Variants in DDB1 observed in about 807,000 individuals in gnomAD.
The protein encoded by DDB1 is DNA damage-binding protein 1.
A neutral mutation model predicts 133.1 loss-of-function variants in DDB1; 18 were observed. The ratio of observed to expected loss-of-function variants is 0.14; its 90% CI spans 0.09 to 0.20. The LOEUF (loss-of-function observed/expected upper bound fraction) is 0.20. DDB1 is among the 10% of genes least tolerant of loss of function. The pLI is 1.00. For missense variants in DDB1, 828 were observed against 1,459.2 expected, an observed-to-expected ratio of 0.57 and a Z score of 7.05; for synonymous variants, 580 against 550.5, an observed-to-expected ratio of 1.05 and a Z score of -0.75.
intron 2 of DDB1, among the ~76,000 whole-genome samples, chr11:61,330,669 G>GTT (rs1387562315): frequency 6.8e-6 from 1 of 146,184 alleles, no homozygotes; most frequent in Non-Finnish European, 1.5e-5. Context: ...TTTGTTTGGT[G>GTT]TTTTTTTTTT....
At chr11:61,325,155 A>C (rs1856249497) in intron 6 of DDB1, among the ~76,000 whole-genome samples, 2 of 152,138 alleles carry the variant, frequency 1.3e-5, no homozygotes, top group African/African-American at 4.8e-5. Flanking sequence ...TCTCAAAAAA[A>C]AAAAAGAAAC....
intron 10 of DDB1, among the ~76,000 whole-genome samples, chr11:61,320,033 G>A (rs1856153233): frequency 6.6e-6 from 1 of 151,918 alleles, no homozygotes; most frequent in Admixed American, 6.6e-5. Flanking sequence ...CCTCTACTAT[G>A]CTTTCTAATT....
chr11:61,320,841 A>T lies in DDB1; in HGVS notation c.1225+754T>A, dbSNP rs186855477. Among the ~76,000 whole-genome samples, 53 of 151,534 alleles carry T rather than the reference A, an allele frequency of 3.5e-4. No individual in the cohort carries two copies. The East Asian group carries it at 8.3e-3, about 24-fold the overall frequency. ...CATATCAATTCTGTCATACTGTTTT[A>T]GGTTACGCTTATACATTCTAAATGT... On this transcript the variant is annotated intron_variant, in intron 10 of 26. Coordinates refer to ENST00000301764, the MANE Select transcript of DDB1 (RefSeq NM_001923.5).
chr11:61,304,027 G>A lies in DDB1; in HGVS notation c.2670C>T (p.Leu890=), dbSNP rs1402574748. The A allele has an allele frequency of 1.9e-6, 3 of 1,613,790 alleles. No individual in the cohort carries two copies. The highest frequency in any genetic ancestry group is 1.7e-6 in the Non-Finnish European group (2 of 1,180,050). ...GCTCCTTCTCTGTTGTCCACTCATA[G>A]AGCCGCACCTGGGAAGGGCATTGTC... ...LLASINSTVR[L]YEWTTEKELR... Residue 890 remains leucine, a synonymous_variant, in exon 22 of 27, where the codon CTC becomes CTT. Coordinates refer to ENST00000301764, the MANE Select transcript of DDB1 (RefSeq NM_001923.5).
chr11:61,312,943 G>A (rs985525342), intron 16 of DDB1, among the ~76,000 whole-genome samples: 7 of 152,108 alleles, frequency 4.6e-5, no homozygotes, highest in Admixed American at 2.6e-4. Context: ...CTCCCAAGTA[G>A]CTGGGATTAC....
chr11:61,314,921 C>G (rs1416471135), intron 12 of DDB1: 1 of 151,946 alleles, frequency 6.6e-6, no homozygotes, highest in Non-Finnish European at 1.5e-5. Flanking sequence ...CCTACGCCTC[C>G]CAGGTTCAAG....
chr11:61,321,491 T>G, intron 10 of DDB1, 104 bp downstream of exon 10: 1 of 915,910 alleles, frequency 1.1e-6, no homozygotes, highest in South Asian at 1.4e-5. Flanking sequence ...CACTCTTCAC[T>G]TGATCTGCTT....
Position 61,330,705 on chromosome 11 carries a change from C to T in DDB1, c.211-631G>A, listed in dbSNP as rs182498185. On this transcript the variant is annotated intron_variant, in intron 2 of 26. Coordinates refer to ENST00000301764, the MANE Select transcript of DDB1 (RefSeq NM_001923.5). ...TGGAGATGGAGTCTCGCTCTGTCAC[C>T]GGGCAATGGGCGCCATCTCCACTCA... Among the ~76,000 whole-genome samples the T allele has an allele frequency of 4.9e-4, 75 of 151,772 alleles. 1 individual carries two copies. In the East Asian group the frequency reaches 0.011, roughly 22 times the overall value.
At position 61,324,351 on chromosome 11, in the gene DDB1, T is replaced by A; in HGVS notation, c.763-214A>T. 3.8e-6 allele frequency: 2 copies of A among 525,380 alleles called. 1 individual carries two copies. Among genetic ancestry groups the A allele is most frequent in the South Asian group, 4.5e-5 (2 of 44,878 alleles). 32.5% of individuals were successfully genotyped at this position (525,380 alleles called of 1,614,324 possible). The stretch of plus-strand genomic sequence containing the variant: ...GAAGATAATTTTCTGAGGCGCTCCA[T>A]CAATATATCTTATATGTTTACTGAT... On this transcript the variant is annotated intron_variant, in intron 6 of 26. Coordinates refer to ENST00000301764, the MANE Select transcript of DDB1 (RefSeq NM_001923.5).
At chr11:61,328,075 G>GGCA (rs1181346930) in intron 4 of DDB1, among the ~76,000 whole-genome samples, 5 of 152,114 alleles carry the variant, frequency 3.3e-5, no homozygotes, top group Non-Finnish European at 7.4e-5. Context: ...GATCACAGCT[G>GGCA]GCAGCCCTGA....
In DDB1 at chr11:61,302,748, A is replaced by C; in HGVS notation, c.2946T>G (p.Ala982=). 1 of 1,614,208 alleles carries C rather than the reference A, an allele frequency of 6.2e-7. No individual in the cohort carries two copies. Among genetic ancestry groups the C allele is most frequent in the East Asian group, 2.2e-5 (1 of 44,886 alleles). Residue 982 remains alanine, a synonymous_variant, in exon 24 of 27, where the codon GCT becomes GCG. Transcript: ENST00000301764. The part of the protein sequence containing the change: ...FNLFVCQKDS[A]ATTDEERQHL... Reference sequence around the variant, plus strand: ...GCTGCCGCTCCTCGTCAGTGGTGGCAGCGCTGAAAGGCGGTAAGAAAGTCA... The same window carrying C: ...GCTGCCGCTCCTCGTCAGTGGTGGCCGCGCTGAAAGGCGGTAAGAAAGTCA...
chr11:61,331,900 G>A, intron 1 of DDB1: 1 of 584,838 alleles, frequency 1.7e-6, no homozygotes, highest in East Asian at 3.0e-5. Flanking sequence ...TCCCTAATCA[G>A]ACTAAGAAAA....
At position 61,329,483 on chromosome 11, in the gene DDB1, A is replaced by C; in HGVS notation, c.429T>G (p.Ile143Met). The change falls in exon 4 of 27, where the codon ATT becomes ATG. Residue 143 changes from isoleucine (I) to methionine (M), a missense_variant. This residue lies in a region of DDB1 where 210 missense variants were observed against 344.8 expected (regional missense o/e 0.61). Coordinates refer to ENST00000301764, the MANE Select transcript of DDB1 (RefSeq NM_001923.5). ...GTTCTTTATTATCGCGATCTAGTGG[A>C]ATAACCTTGAAAAGGCCATCATAGA... ...LRLYDGLFKV[I>M]PLDRDNKELK... The C allele has an allele frequency of 6.2e-7, 1 of 1,614,172 alleles. No homozygotes were observed. The highest frequency in any genetic ancestry group is 8.5e-7 in the Non-Finnish European group (1 of 1,180,032).
chr11:61,327,050 T>C, intron 4 of DDB1, 157 bp from the exon 5 acceptor site: 1 of 625,366 alleles, frequency 1.6e-6, no homozygotes, highest in Non-Finnish European at 2.9e-6. Context: ...AAGCACTAGC[T>C]GAGCCTGGGA....
At chr11:61,322,967 A>C (rs748772715) in intron 8 of DDB1, 44 bp downstream of exon 8, 2 of 1,513,282 alleles carry the variant, frequency 1.3e-6, no homozygotes, top group Non-Finnish European at 9.1e-7. Flanking sequence ...ATGAAGAAAC[A>C]GTGAGTACAG....
chr11:61,319,594 G>T (rs1471255376), intron 10 of DDB1, among the ~76,000 whole-genome samples: 1 of 152,018 alleles, frequency 6.6e-6, no homozygotes, highest in East Asian at 1.9e-4. Flanking sequence ...ACCACCCCCG[G>T]CTAATTTTTT....
chr11:61,313,369 C>T lies in DDB1; in HGVS notation c.2069+130G>A, dbSNP rs957366203. On this transcript the variant is annotated intron_variant, in intron 16 of 26. Coordinates refer to ENST00000301764, the MANE Select transcript of DDB1 (RefSeq NM_001923.5). Reference sequence around the variant, plus strand: ...TCTATTGGGTAGCCAGTTTTGAGAACCTCTGCACTATACTTCCCATCTCAG... The same window carrying T: ...TCTATTGGGTAGCCAGTTTTGAGAATCTCTGCACTATACTTCCCATCTCAG... 8 of 855,922 alleles carry T rather than the reference C, an allele frequency of 9.3e-6. No individual in the cohort carries two copies. In the African/African-American group the frequency reaches 1.4e-4, roughly 15 times the overall value. 53.0% of individuals were successfully genotyped at this position (855,922 alleles called of 1,614,324 possible). A position where few individuals can be genotyped will look rare whatever the true frequency, so the allele number is the denominator to read the frequency against.
At chr11:61,317,468 T>C (rs549425854) in intron 10 of DDB1, among the ~76,000 whole-genome samples, 68 of 152,284 alleles carry the variant, frequency 4.5e-4, no homozygotes, top group Admixed American at 3.9e-3. Flanking sequence ...GGATTGGATA[T>C]ACATTTCCAT....
chr11:61,302,381 T>C (rs1855812086), intron 24 of DDB1, 22 bp from the exon 25 acceptor site: 8 of 1,609,188 alleles, frequency 5.0e-6, no homozygotes, highest in Non-Finnish European at 6.8e-6. Flanking sequence ...AAGGAGGCAG[T>C]GAGCTGCAGA....
Sources: allele counts gnomAD v4.1 joint callset (sites outside exome capture counted in the v4.1 genomes callset), GRCh38; gene constraint gnomAD v4.1.1; regional missense constraint gnomAD v4.1.1; transcripts MANE v1.5; gene names NCBI Gene and HGNC (gene_info 2026-07-23, HGNC 2026-07-21).